Variants in FAR2 observed in about 807,000 individuals in gnomAD.
The protein encoded by FAR2 is epididymis secretory protein Li 81.
FAR2 carries 19 observed loss-of-function variants against 56.0 expected under a neutral mutation model. The observed-to-expected ratio is 0.34, with a 90% CI of 0.24 to 0.50. The LOEUF (loss-of-function observed/expected upper bound fraction) is 0.50, where lower values mean the gene tolerates loss of function less well. Among genes scored for constraint, FAR2 ranks in the 20% least tolerant of loss-of-function variants. The pLI, the probability that FAR2 is intolerant of heterozygous loss-of-function variation, is 0.98. For missense variants in FAR2, 508 were observed against 642.2 expected (o/e 0.79, Z 2.26); for synonymous variants, 219 against 218.8 (o/e 1.00, Z -0.01).
In FAR2 at chr12:29,251,207, C is replaced by T. The variant is rs372196356; in HGVS notation, c.-38-19205C>T. ...GACTCATCAAAACAGATAATCATGG[C>T]GCCACTGATCAATTCCCAGACTTGA... On this transcript the variant is annotated intron_variant, in intron 1 of 11. Coordinates refer to ENST00000536681, the MANE Select transcript of FAR2 (RefSeq NM_001271783.2). 3.5e-4 allele frequency among the ~76,000 whole-genome samples: 53 copies of T among 152,256 alleles called. No individual in the cohort carries two copies. In the South Asian group the frequency reaches 8.7e-3, roughly 25 times the overall value.
rs149991515 is a variant in FAR2 at position 29,232,945 on chromosome 12, A to G, written c.-38-37467A>G. Among the ~76,000 whole-genome samples, 1,053 of 152,126 alleles carry G rather than the reference A, an allele frequency of 6.9e-3. 15 individuals are homozygous for G. The highest frequency in any genetic ancestry group is 0.024 in the African/African-American group (1,003 of 41,518). On this transcript the variant is annotated intron_variant, in intron 1 of 11. Coordinates refer to ENST00000536681, the MANE Select transcript of FAR2 (RefSeq NM_001271783.2). ...TTCAACTCTGGAATCTTGAATTTCA[A>G]TATCTCATTCTCAAGCAATGATCTG... is the stretch of plus-strand genomic sequence containing the variant.
At chr12:29,213,141 A>G (rs1947572587) in intron 1 of FAR2, among the ~76,000 whole-genome samples, 1 of 151,950 alleles carries the variant, frequency 6.6e-6, no homozygotes. Context: ...TAAGTCTCCT[A>G]TTCAGAAGCA....
intron 1 of FAR2, among the ~76,000 whole-genome samples, chr12:29,198,365 A>G (rs369786100): frequency 6.6e-6 from 1 of 152,068 alleles, no homozygotes; most frequent in African/African-American, 2.4e-5. Flanking sequence ...AGTAGCTGGG[A>G]CTACAGGCAC....
rs926931678 is a variant in FAR2, at chr12:29,221,789, T to C, written c.-38-48623T>C. The stretch of plus-strand genomic sequence containing the variant: ...TCATCCTGAGTTGACTTTAAACCTT[T>C]TATTTTTAATGGGAAATACAATTAC... On this transcript the variant is annotated intron_variant, in intron 1 of 11. Coordinates refer to ENST00000536681, the MANE Select transcript of FAR2 (RefSeq NM_001271783.2). Among the ~76,000 whole-genome samples the C allele has an allele frequency of 3.3e-5, 5 of 152,212 alleles. No individual in the cohort carries two copies. In the East Asian group the frequency reaches 9.6e-4, roughly 29 times the overall value.
rs79533071 is a variant in FAR2 at position 29,205,095 on chromosome 12, T to C, written c.-39+55688T>C. Among the ~76,000 whole-genome samples, 105 of 152,320 alleles carry C rather than the reference T, an allele frequency of 6.9e-4. No individual in the cohort carries two copies. In the East Asian group the frequency reaches 0.015, roughly 22 times the overall value. ...GATATCAAAATAATTACAAAACTTTTTACATTGTTGCTTTCATGGAGAAAT... is the reference window on the plus strand; with the variant it reads ...GATATCAAAATAATTACAAAACTTTCTACATTGTTGCTTTCATGGAGAAAT... On this transcript the variant is annotated intron_variant, in intron 1 of 11. Transcript: ENST00000536681.
Position 29,228,526 on chromosome 12 carries a change from T to C in FAR2, c.-38-41886T>C, listed in dbSNP as rs1161423670. Among the ~76,000 whole-genome samples, 3 of 152,372 alleles carry C rather than the reference T, an allele frequency of 2.0e-5. No individual in the cohort carries two copies. In the East Asian group the frequency reaches 5.8e-4, roughly 29 times the overall value. The stretch of plus-strand genomic sequence containing the variant: ...TTCATCATATTCTGGCAGATCTTAA[T>C]AATCTCTGAAGTACAGATGTCCCTT... On this transcript the variant is annotated intron_variant, in intron 1 of 11. Transcript: ENST00000536681.
At chr12:29,261,459 T>C (rs1159298853) in intron 1 of FAR2, among the ~76,000 whole-genome samples, 1 of 152,120 alleles carries the variant, frequency 6.6e-6, no homozygotes, top group Non-Finnish European at 1.5e-5. Flanking sequence ...GTAAGAGTCA[T>C]TGGCCTTAAA....
intron 1 of FAR2, among the ~76,000 whole-genome samples, chr12:29,160,529 C>G (rs893924280): frequency 5.3e-5 from 8 of 152,186 alleles, no homozygotes; most frequent in African/African-American, 1.9e-4. Flanking sequence ...TATTCAAAGG[C>G]AAGTTACTTA....
In FAR2 at chr12:29,293,725, C is replaced by T. The variant is rs140726702; in HGVS notation, c.365+250C>T. Reference sequence around the variant, plus strand: ...TTACTGGAAGAAAATGGCATCCTAGCGAGAATGATGTTTTGCAACCTGCTC... The same window carrying T: ...TTACTGGAAGAAAATGGCATCCTAGTGAGAATGATGTTTTGCAACCTGCTC... On this transcript the variant is annotated intron_variant, in intron 3 of 11. Transcript: ENST00000536681. Among the ~76,000 whole-genome samples the T allele has an allele frequency of 3.5e-3, 537 of 152,098 alleles. 6 individuals carry two copies. Among genetic ancestry groups the T allele is most frequent in the African/African-American group, 0.011 (476 of 41,470 alleles).
Position 29,317,105 on chromosome 12 carries a change from G to T in FAR2, c.1127+93G>T, listed in dbSNP as rs943181312. On this transcript the variant is annotated intron_variant, in intron 9 of 11. Coordinates refer to ENST00000536681, the MANE Select transcript of FAR2 (RefSeq NM_001271783.2). ...TGCTTCCTTCAGCCGAGGATTAAAG[G>T]AGACAACTGAATCTTACCCATATAT... 4.5e-6 allele frequency: 6 copies of T among 1,339,424 alleles called. No individual in the cohort carries two copies. In the Admixed American group the frequency reaches 1.3e-4, roughly 30 times the overall value. 83.0% of individuals were successfully genotyped at this position (1,339,424 alleles called of 1,614,324 possible).
At chr12:29,322,994 G>C (rs546654011) in intron 10 of FAR2, among the ~76,000 whole-genome samples, 1 of 152,346 alleles carries the variant, frequency 6.6e-6, no homozygotes, top group Admixed American at 6.5e-5. Context: ...ACCTCAGTTG[G>C]AAATGCAGAA....
In FAR2 at chr12:29,335,577, ATT is replaced by A. The variant is rs749335824; in HGVS notation, c.*1786_*1787del. 1 of 152,134 alleles carries A rather than the reference ATT, an allele frequency of 6.6e-6. No homozygotes were observed. The highest frequency in any genetic ancestry group is 1.5e-5 in the Non-Finnish European group (1 of 68,030). The allele number at this position is 152,134 out of a possible 1,614,324, so 9.4% of individuals were successfully genotyped here. A position where few individuals can be genotyped will look rare whatever the true frequency, so the allele number is the denominator to read the frequency against. On this transcript the variant is annotated 3_prime_UTR_variant, in exon 12 of 12. Coordinates refer to ENST00000536681, the MANE Select transcript of FAR2 (RefSeq NM_001271783.2). Reference sequence around the variant, plus strand: ...ATAATTCCACTAATCAAGTATTCACATTTTGACTTTTGATTAAATAAAAATTT... The same window carrying A: ...ATAATTCCACTAATCAAGTATTCACATTGACTTTTGATTAAATAAAAATTT...
intron 1 of FAR2, among the ~76,000 whole-genome samples, chr12:29,158,224 A>G (rs191059557): frequency 3.6e-4 from 55 of 152,316 alleles, no homozygotes; most frequent in Non-Finnish European, 6.5e-4. Context: ...CACTGTAACT[A>G]TTGTCTCATT....
At chr12:29,232,473 C>T (rs1947873877) in intron 1 of FAR2, among the ~76,000 whole-genome samples, 1 of 152,082 alleles carries the variant, frequency 6.6e-6, no homozygotes, top group South Asian at 2.1e-4. Context: ...CTTGGAAGTC[C>T]CTTAGATCTT....
At position 29,311,074 on chromosome 12, in the gene FAR2, T is replaced by C; in HGVS notation, c.815T>C (p.Val272Ala). 2.5e-6 allele frequency: 4 copies of C among 1,613,724 alleles called. No homozygotes were observed. The highest frequency in any genetic ancestry group is 3.4e-6 in the Non-Finnish European group (4 of 1,179,668). ...LRAIKATPMAVADVIPVDTVV... is the reference protein window; with the variant it reads ...LRAIKATPMAAADVIPVDTVV... ...GCCATAAAAGCTACTCCAATGGCTGTGGCAGACGTAATTCCAGTTGATACA... is the reference window on the plus strand; with the variant it reads ...GCCATAAAAGCTACTCCAATGGCTGCGGCAGACGTAATTCCAGTTGATACA... Residue 272 changes from valine to alanine, a missense_variant, in exon 7 of 12, where the codon GTG becomes GCG. By Grantham distance (64) the Val-to-Ala change is moderately conservative. Transcript: ENST00000536681.
chr12:29,202,406 AT>A (rs1947427425), intron 1 of FAR2, among the ~76,000 whole-genome samples: 2 of 152,260 alleles, frequency 1.3e-5, no homozygotes, highest in Admixed American at 6.5e-5. Context: ...ATGGACATTT[AT>A]TTAACAGATC....
At chr12:29,308,711 C>CATATATATATATATATATAT (rs1428729903) in intron 5 of FAR2, among the ~76,000 whole-genome samples, 8 of 109,794 alleles carry the variant, frequency 7.3e-5, no homozygotes, top group African/African-American at 3.0e-4. Context: ...CACACACACA[C>CATATATATATATATATATAT]ACACACACAT....
At position 29,239,626 on chromosome 12, in the gene FAR2, G is replaced by T. The variant is rs187358721; in HGVS notation, c.-38-30786G>T. Among the ~76,000 whole-genome samples, 191 of 152,216 alleles carry T rather than the reference G, an allele frequency of 1.3e-3. No individual in the cohort carries two copies. The East Asian group carries it at 0.031, about 25-fold the overall frequency. ...TGATGACCAGTAGAGGAAAATGCTG[G>T]AAAGCCACAAAACAAATGTCCCCCA... On this transcript the variant is annotated intron_variant, in intron 1 of 11. Transcript: ENST00000536681.
chr12:29,225,863 TAAC>T (rs1947760660), intron 1 of FAR2, among the ~76,000 whole-genome samples: 1 of 152,168 alleles, frequency 6.6e-6, no homozygotes, highest in African/African-American at 2.4e-5. Context: ...GGTTTGGAAA[TAAC>T]ACACATGTGA....
Sources: allele counts gnomAD v4.1 joint callset (sites outside exome capture counted in the v4.1 genomes callset), GRCh38; gene constraint gnomAD v4.1.1; transcripts MANE v1.5; gene names NCBI Gene and HGNC (gene_info 2026-07-23, HGNC 2026-07-21).